Variants in DGKB observed in about 807,000 individuals in gnomAD.
DGKB encodes the protein 90 kDa diacylglycerol kinase.
A neutral mutation model predicts 114.3 loss-of-function variants in DGKB; 67 were observed. The ratio of observed to expected loss-of-function variants is 0.59; its 90% CI spans 0.48 to 0.72. The LOEUF (loss-of-function observed/expected upper bound fraction) is 0.72, where lower values mean the gene tolerates loss of function less well. DGKB is among the 30% of genes least tolerant of loss of function. The pLI is 0.00. For synonymous variants in DGKB, 398 were observed against 323.1 expected (o/e 1.23, Z -2.49); for missense variants, 907 against 975.2 (o/e 0.93, Z 0.93).
intron 25 of DGKB, among the ~76,000 whole-genome samples, chr7:14,170,237 G>A (rs1213331580): frequency 6.6e-6 from 1 of 151,852 alleles, no homozygotes; most frequent in Non-Finnish European, 1.5e-5. Context: ...ACTGAGTGAG[G>A]CAGCAAAGCA....
chr7:14,795,590 T>C (rs1473355278), intron 2 of DGKB, among the ~76,000 whole-genome samples: 1 of 151,952 alleles, frequency 6.6e-6, no homozygotes, highest in Non-Finnish European at 1.5e-5. Flanking sequence ...GACCTCAGAG[T>C]GGGAACTGTA....
chr7:14,427,868 A>G (rs961055538), intron 21 of DGKB, among the ~76,000 whole-genome samples: 33 of 152,238 alleles, frequency 2.2e-4, no homozygotes, highest in Admixed American at 9.2e-4. Context: ...CCATACCACA[A>G]TGTTTTAGAA....
chr7:14,847,218 G>A (rs1195592937), intron 1 of DGKB, among the ~76,000 whole-genome samples: 3 of 150,604 alleles, frequency 2.0e-5, no homozygotes, highest in African/African-American at 7.3e-5. Context: ...GTGAACCCAG[G>A]AGGCGGAGCT....
At chr7:14,504,629 T>C (rs574567049) in intron 20 of DGKB, among the ~76,000 whole-genome samples, 1 of 152,288 alleles carries the variant, frequency 6.6e-6, no homozygotes, top group African/African-American at 2.4e-5. Flanking sequence ...GAATGAATGT[T>C]CTGAAGCAAG....
chr7:14,405,105 C>T (rs1823734188), intron 21 of DGKB, among the ~76,000 whole-genome samples: 1 of 10,132 alleles, frequency 9.9e-5, no homozygotes, highest in Non-Finnish European at 5.2e-4. Flanking sequence ...TTCTTGATTT[C>T]CACATTTCAA....
intron 1 of DGKB, among the ~76,000 whole-genome samples, chr7:14,935,570 C>G (rs571265337): frequency 6.6e-6 from 1 of 151,850 alleles, no homozygotes; most frequent in African/African-American, 2.4e-5. Context: ...AATGAGGAAA[C>G]GAGTGAATGT....
intron 23 of DGKB, among the ~76,000 whole-genome samples, chr7:14,314,613 C>T (rs1806113006): frequency 6.6e-6 from 1 of 152,190 alleles, no homozygotes; most frequent in East Asian, 1.9e-4. Flanking sequence ...GCAAAGCCTC[C>T]AAGAACTACG....
intron 15 of DGKB, among the ~76,000 whole-genome samples, chr7:14,619,992 G>A (rs961801826): frequency 6.6e-6 from 1 of 151,470 alleles, no homozygotes; most frequent in Middle Eastern, 3.2e-3. Flanking sequence ...ACCCAGAGTA[G>A]CTGAAGATTT....
chr7:14,281,254 G>C (rs1376850274), intron 23 of DGKB, among the ~76,000 whole-genome samples: 2 of 151,712 alleles, frequency 1.3e-5, no homozygotes, highest in Admixed American at 6.6e-5. Context: ...AAGATCAAAA[G>C]AGACAAAAAA....
chr7:14,527,792 G>C (rs1305283904), intron 20 of DGKB, among the ~76,000 whole-genome samples: 2 of 151,994 alleles, frequency 1.3e-5, no homozygotes, highest in African/African-American at 4.8e-5. Context: ...TAGAATCACA[G>C]AAAAATGATT....
chr7:14,343,410 C>T (rs1382466455), intron 22 of DGKB, among the ~76,000 whole-genome samples: 1 of 151,784 alleles, frequency 6.6e-6, no homozygotes, highest in African/African-American at 2.4e-5. Flanking sequence ...TGTCAGATCT[C>T]AAGCTCTGTG....
Position 14,182,334 on chromosome 7 carries a change from A to T in DGKB, c.2123-4183T>A, listed in dbSNP as rs553316600. Among the ~76,000 whole-genome samples, 322 of 151,668 alleles carry T rather than the reference A, an allele frequency of 2.1e-3. 3 individuals are homozygous for T. Among genetic ancestry groups the T allele is most frequent in the African/African-American group, 7.6e-3 (312 of 41,312 alleles). On this transcript the variant is annotated intron_variant, in intron 23 of 25. Coordinates refer to ENST00000402815, the MANE Select transcript of DGKB (RefSeq NM_001350709.2). ...TTTTAATTTGTTAATAAGAAAGCAT[A>T]TATATCTCTAAATCAAAATTTCTAA...
chr7:14,539,162 A>G (rs1793009039), intron 20 of DGKB, among the ~76,000 whole-genome samples: 1 of 152,150 alleles, frequency 6.6e-6, no homozygotes, highest in Admixed American at 6.6e-5. Flanking sequence ...CCAAAACAAA[A>G]ACAAAACAAA....
At chr7:14,506,533 T>C (rs2128965088) in intron 20 of DGKB, among the ~76,000 whole-genome samples, 1 of 152,292 alleles carries the variant, frequency 6.6e-6, no homozygotes, top group Admixed American at 6.5e-5. Flanking sequence ...AGTCATTTAA[T>C]CTCTCTTGAT....
chr7:14,261,682 A>G (rs945534826), intron 23 of DGKB, among the ~76,000 whole-genome samples: 2 of 152,202 alleles, frequency 1.3e-5, no homozygotes, highest in Non-Finnish European at 2.9e-5. Context: ...TAAAATGGAT[A>G]TAGGAAAGAA....
chr7:14,240,191 G>A (rs2128362747), intron 23 of DGKB, among the ~76,000 whole-genome samples: 1 of 152,020 alleles, frequency 6.6e-6, no homozygotes, highest in East Asian at 1.9e-4. Flanking sequence ...TCACTTTTAT[G>A]TCTCTGTTAA....
intron 2 of DGKB, among the ~76,000 whole-genome samples, chr7:14,826,714 G>A (rs770629366): frequency 3.3e-5 from 5 of 151,974 alleles, no homozygotes; most frequent in Admixed American, 1.3e-4. Flanking sequence ...TTTCCTCATC[G>A]GAAAAATGGC....
chr7:14,802,395 T>C (rs923481057), intron 2 of DGKB, among the ~76,000 whole-genome samples: 4 of 152,138 alleles, frequency 2.6e-5, no homozygotes, highest in African/African-American at 9.7e-5. Flanking sequence ...TTTAAATTAG[T>C]AGGCCCACTA....
intron 19 of DGKB, among the ~76,000 whole-genome samples, chr7:14,576,979 A>G (rs1305730127): frequency 6.6e-6 from 1 of 152,206 alleles, no homozygotes; most frequent in African/African-American, 2.4e-5. Flanking sequence ...TTTAACAAAT[A>G]TCTTTTCCCT....
Sources: allele counts gnomAD v4.1 joint callset (sites outside exome capture counted in the v4.1 genomes callset), GRCh38; gene constraint gnomAD v4.1.1; transcripts MANE v1.5; gene names NCBI Gene and HGNC (gene_info 2026-07-23, HGNC 2026-07-21).